The following ARFGEF1 variants were observed in gnomAD, a reference collection of about 807,000 sequenced individuals.
ARFGEF1 encodes ARF guanine nucleotide exchange factor 1.
ARFGEF1 carries 42 observed loss-of-function variants against 231.0 expected under a neutral mutation model. The observed-to-expected ratio is 0.18, with a 90% CI of 0.14 to 0.24. The LOEUF (loss-of-function observed/expected upper bound fraction) is 0.24. Ranked by LOEUF, ARFGEF1 falls within the 10% of genes least tolerant of loss-of-function variation. The pLI is 1.00. For missense variants in ARFGEF1, 1,345 were observed against 2,192.0 expected, an observed-to-expected ratio of 0.61 and a Z score of 7.72; for synonymous variants, 710 against 732.3, an observed-to-expected ratio of 0.97 and a Z score of 0.49.
intron 34 of ARFGEF1, among the ~76,000 whole-genome samples, chr8:67,210,510 G>C (rs915141395): frequency 6.6e-6 from 1 of 152,006 alleles, no homozygotes; most frequent in Non-Finnish European, 1.5e-5. Context: ...AAAACAAGTG[G>C]GGTGCTCCTG....
chr8:67,175,745 A>C (rs1831461877), intron 5 of ARFGEF1, among the ~76,000 whole-genome samples: 1 of 152,240 alleles, frequency 6.6e-6, no homozygotes, highest in South Asian at 2.1e-4. Flanking sequence ...AAGGAGTGTC[A>C]GGCAGACATA....
Position 67,232,949 on chromosome 8 carries a change from C to T in ARFGEF1, c.3290-4G>A. 1 of 1,602,184 alleles carries T rather than the reference C, an allele frequency of 6.2e-7. No homozygotes were observed. The highest frequency in any genetic ancestry group is 8.5e-7 in the Non-Finnish European group (1 of 1,173,256). ...TTCCAGTCCACATTTCCTCCAACTA[C>T]CACACATAAAAAAAAGTCATTTCAG... is the stretch of plus-strand genomic sequence containing the variant. On this transcript the variant is annotated splice_polypyrimidine_tract_variant and splice_region_variant and intron_variant, in intron 22 of 38. Transcript: ENST00000262215.
At chr8:67,240,400 A>G (rs1839893842) in intron 19 of ARFGEF1, 110 bp from the exon 20 acceptor site, 2 of 1,077,530 alleles carry the variant, frequency 1.9e-6, no homozygotes, top group East Asian at 5.6e-5. Context: ...AATTCTTGGC[A>G]GTTATCTAGA....
At chr8:67,227,915 C>T (rs748987551) in intron 25 of ARFGEF1, 48 bp downstream of exon 25, 29 of 1,431,700 alleles carry the variant, frequency 2.0e-5, no homozygotes, top group Non-Finnish European at 2.4e-5. Context: ...ACATTCTAAA[C>T]AAAAAATATA....
At chr8:67,222,194 T>TACAC (rs1375454969) in intron 29 of ARFGEF1, among the ~76,000 whole-genome samples, 1 of 140,822 alleles carries the variant, frequency 7.1e-6, no homozygotes, top group African/African-American at 2.7e-5. Context: ...TATATATATA[T>TACAC]ATATATATAT....
chr8:67,302,855 A>C (rs1394982517), intron 1 of ARFGEF1, among the ~76,000 whole-genome samples: 2 of 149,890 alleles, frequency 1.3e-5, no homozygotes, highest in African/African-American at 4.9e-5. Context: ...CAGGAGGATC[A>C]CTTGAGGCAA....
Position 67,301,208 on chromosome 8 carries a change from G to C in ARFGEF1, c.312+16C>G. ...TCAAAGTACACAGTTTTTAGAAAGT[G>C]CCATTTTAGACATACCTGTAAGCAA... is the stretch of plus-strand genomic sequence containing the variant. On this transcript the variant is annotated intron_variant, in intron 3 of 38. Coordinates refer to ENST00000262215, the MANE Select transcript of ARFGEF1 (RefSeq NM_006421.5). 2 of 1,573,416 alleles carry C rather than the reference G, an allele frequency of 1.3e-6. No homozygotes were observed. Among genetic ancestry groups the C allele is most frequent in the Non-Finnish European group, 1.7e-6 (2 of 1,161,788 alleles).
At chr8:67,179,101 C>A (rs1291444748) in intron 5 of ARFGEF1, among the ~76,000 whole-genome samples, 2 of 152,140 alleles carry the variant, frequency 1.3e-5, no homozygotes, top group African/African-American at 4.8e-5. Flanking sequence ...CCCAGATTAT[C>A]TGGTAAGAAG....
At chr8:67,289,287 G>C (rs1366982474) in intron 6 of ARFGEF1, among the ~76,000 whole-genome samples, 1 of 151,766 alleles carries the variant, frequency 6.6e-6, no homozygotes, top group African/African-American at 2.4e-5. Flanking sequence ...GCACAGGGGG[G>C]GTCACACCTG....
chr8:67,178,713 G>C (rs1351736992), intron 5 of ARFGEF1, among the ~76,000 whole-genome samples: 1 of 152,142 alleles, frequency 6.6e-6, no homozygotes, highest in Non-Finnish European at 1.5e-5. Context: ...ATTCCAGGAA[G>C]AGGCCCCAGT....
At chr8:67,274,264 T>C (rs1019616057) in intron 9 of ARFGEF1, among the ~76,000 whole-genome samples, 2 of 147,432 alleles carry the variant, frequency 1.4e-5, no homozygotes, top group African/African-American at 5.0e-5. Flanking sequence ...CCAGAAAATA[T>C]AAGGGGAAGC....
intron 1 of ARFGEF1, among the ~76,000 whole-genome samples, chr8:67,320,800 A>C (rs1374063865): frequency 2.0e-5 from 3 of 152,140 alleles, no homozygotes; most frequent in African/African-American, 7.2e-5. Context: ...CGTCTCTACT[A>C]AAAATACAAA....
At chr8:67,224,539 T>C (rs1839308789) in intron 29 of ARFGEF1, among the ~76,000 whole-genome samples, 2 of 152,172 alleles carry the variant, frequency 1.3e-5, no homozygotes, top group East Asian at 3.8e-4. Flanking sequence ...GGATGTGCAG[T>C]TAAAAATTCT....
At chr8:67,316,322 A>C (rs1488573911) in intron 1 of ARFGEF1, among the ~76,000 whole-genome samples, 2 of 152,226 alleles carry the variant, frequency 1.3e-5, no homozygotes, top group Admixed American at 1.3e-4. Context: ...AGATGGTTTC[A>C]CCTGAGAATT....
rs984512620 is a variant in ARFGEF1 at position 67,253,641 on chromosome 8, T to C, written c.2527-19A>G. 9.2e-6 allele frequency: 12 copies of C among 1,308,996 alleles called. No individual in the cohort carries two copies. The highest frequency in any genetic ancestry group is 1.2e-5 in the Non-Finnish European group (12 of 971,402). 81.1% of individuals were successfully genotyped at this position (1,308,996 alleles called of 1,614,324 possible). A position where few individuals can be genotyped will look rare whatever the true frequency, so the allele number is the denominator to read the frequency against. ...TTTTCACCTAGATATGAAAAACCAT[T>C]ATAATTCCTAAAAATTAACATAAAG... is the stretch of plus-strand genomic sequence containing the variant. On this transcript the variant is annotated intron_variant, in intron 17 of 38. Coordinates refer to ENST00000262215, the MANE Select transcript of ARFGEF1 (RefSeq NM_006421.5).
At position 67,309,347 on chromosome 8, in the gene ARFGEF1, A is replaced by C. The variant is rs186947921; in HGVS notation, c.125-6881T>G. Among the ~76,000 whole-genome samples, 226 of 152,384 alleles carry C rather than the reference A, an allele frequency of 1.5e-3. 1 individual carries two copies. The highest frequency in any genetic ancestry group is 5.1e-3 in the African/African-American group (213 of 41,600). On this transcript the variant is annotated intron_variant, in intron 1 of 38. Coordinates refer to ENST00000262215, the MANE Select transcript of ARFGEF1 (RefSeq NM_006421.5). ...AGAATAAGCTTTAGTGATCTGTTAC[A>C]TAGAACAGGGACATTTTTCATTCTT...
At chr8:67,258,827 ACAC>A (rs1840548884) in intron 15 of ARFGEF1, among the ~76,000 whole-genome samples, 1 of 150,860 alleles carries the variant, frequency 6.6e-6, no homozygotes, top group East Asian at 1.9e-4. Flanking sequence ...TTACACACAC[ACAC>A]ACACACACAC....
intron 1 of ARFGEF1, among the ~76,000 whole-genome samples, chr8:67,322,289 A>T (rs1184773110): frequency 6.6e-6 from 1 of 152,128 alleles, no homozygotes; most frequent in East Asian, 1.9e-4. Flanking sequence ...TAACTCTCTC[A>T]CACTTTGGGT....
intron 7 of ARFGEF1, among the ~76,000 whole-genome samples, chr8:67,285,861 G>A (rs949728164): frequency 2.3e-4 from 35 of 152,106 alleles, no homozygotes; most frequent in Admixed American, 9.8e-4. Flanking sequence ...ATTCTACAAG[G>A]CAAAAGATTC....
Sources: allele counts gnomAD v4.1 joint callset (sites outside exome capture counted in the v4.1 genomes callset), GRCh38; gene constraint gnomAD v4.1.1; transcripts MANE v1.5; gene names NCBI Gene and HGNC (gene_info 2026-07-23, HGNC 2026-07-21).